Variants in TYW1B observed in about 807,000 individuals in gnomAD.
The protein encoded by TYW1B is tRNA-yW synthesizing protein 1 homolog B.
A neutral mutation model predicts 86.9 loss-of-function variants in TYW1B; 73 were observed. That is an observed-to-expected ratio of 0.84 (90% CI 0.70 to 1.02). The LOEUF (loss-of-function observed/expected upper bound fraction) is 1.02. Among genes scored for constraint, TYW1B ranks in the 50% least tolerant of loss-of-function variants. The probability of loss-of-function intolerance (pLI) is 0.00; values close to 1 mark genes in which losing one functional copy is unlikely to be tolerated. For missense variants in TYW1B, 637 were observed against 827.4 expected (o/e 0.77, Z 2.82); for synonymous variants, 248 against 292.8 (o/e 0.85, Z 1.56).
intron 13 of TYW1B, among the ~76,000 whole-genome samples, chr7:72,576,543 C>T (rs1368599747): frequency 9.9e-5 from 14 of 141,948 alleles, no homozygotes; most frequent in Admixed American, 2.9e-4. Context: ...GACGGAGTCT[C>T]GCTCTGTAGC....
At chr7:72,706,742 G>C (rs1814625202) in intron 10 of TYW1B, among the ~76,000 whole-genome samples, 1 of 152,078 alleles carries the variant, frequency 6.6e-6, no homozygotes, top group South Asian at 2.1e-4. Context: ...AAAACCACAG[G>C]GCTTCCTGGA....
At chr7:72,820,583 G>A (rs1788810052) in intron 2 of TYW1B, among the ~76,000 whole-genome samples, 2 of 152,136 alleles carry the variant, frequency 1.3e-5, no homozygotes, top group Non-Finnish European at 2.9e-5. Flanking sequence ...AAGGGAGCTG[G>A]CGAGCACAAA....
At chr7:72,665,800 C>A (rs1268927390) in intron 11 of TYW1B, among the ~76,000 whole-genome samples, 4 of 152,228 alleles carry the variant, frequency 2.6e-5, no homozygotes, top group Admixed American at 2.6e-4. Context: ...GAATCTTTAC[C>A]AGATATTAAG....
chr7:72,580,370 G>A (rs1360218909), intron 13 of TYW1B, among the ~76,000 whole-genome samples: 62 of 152,224 alleles, frequency 4.1e-4, no homozygotes, highest in African/African-American at 1.4e-3. Flanking sequence ...TAAAATCTGA[G>A]GTTAAGTATC....
intron 7 of TYW1B, among the ~76,000 whole-genome samples, chr7:72,755,059 T>G (rs1475013285): frequency 6.6e-6 from 1 of 152,088 alleles, no homozygotes; most frequent in Non-Finnish European, 1.5e-5. Context: ...ATGCAAAGTA[T>G]TAAAAATAAA....
rs577240281 is a variant in TYW1B at position 72,626,306 on chromosome 7, T to C, written c.1617+2581A>G. 1.8e-3 allele frequency among the ~76,000 whole-genome samples: 268 copies of C among 148,276 alleles called. 2 individuals carry two copies. The highest frequency in any genetic ancestry group is 6.1e-3 in the African/African-American group (243 of 39,746). ...CTGATATGACACAGACAGGGTTCAG[T>C]TTCAAAGCCATAAACGGAAATGAGC... On this transcript the variant is annotated intron_variant, in intron 12 of 13. Transcript: ENST00000620995.
At chr7:72,697,639 A>C (rs769415567) in intron 10 of TYW1B, among the ~76,000 whole-genome samples, 7 of 152,192 alleles carry the variant, frequency 4.6e-5, no homozygotes, top group Non-Finnish European at 8.8e-5. Flanking sequence ...AAAGTCTTAC[A>C]TCATCAAAAT....
At chr7:72,603,185 T>A (rs1205979123) in intron 13 of TYW1B, among the ~76,000 whole-genome samples, 2 of 146,630 alleles carry the variant, frequency 1.4e-5, no homozygotes, top group Admixed American at 6.8e-5. Context: ...GATGGATAGA[T>A]GGATGAACAG....
chr7:72,588,038 G>C (rs774650096), intron 13 of TYW1B, among the ~76,000 whole-genome samples: 5 of 152,146 alleles, frequency 3.3e-5, no homozygotes, highest in Non-Finnish European at 5.9e-5. Flanking sequence ...TCTTCTTTGG[G>C]TAAGAAGAGG....
chr7:72,813,894 A>G (rs1414149435), intron 3 of TYW1B, among the ~76,000 whole-genome samples: 2 of 151,960 alleles, frequency 1.3e-5, no homozygotes, highest in Non-Finnish European at 2.9e-5. Context: ...GGGCACCTGT[A>G]ATCCCAGCTA....
chr7:72,761,477 C>T (rs1787683701), intron 7 of TYW1B, among the ~76,000 whole-genome samples: 1 of 151,570 alleles, frequency 6.6e-6, no homozygotes, highest in Non-Finnish European at 1.5e-5. Context: ...CATAGTGGCT[C>T]ATACGAGGGA....
intron 6 of TYW1B, among the ~76,000 whole-genome samples, chr7:72,794,711 G>A (rs577013039): frequency 6.6e-6 from 1 of 152,190 alleles, no homozygotes; most frequent in South Asian, 2.1e-4. Context: ...CTCCAAAGAA[G>A]CCATGAAAAC....
At chr7:72,704,575 C>G (rs1430574360) in intron 10 of TYW1B, among the ~76,000 whole-genome samples, 1 of 150,024 alleles carries the variant, frequency 6.7e-6, no homozygotes, top group Admixed American at 6.7e-5. Flanking sequence ...ATAATGGGAC[C>G]CTGTCTCTGA....
intron 6 of TYW1B, among the ~76,000 whole-genome samples, chr7:72,799,232 G>A (rs188623978): frequency 1.3e-3 from 179 of 141,850 alleles, no homozygotes; most frequent in Admixed American, 3.4e-3. Flanking sequence ...GATCTCGGCT[G>A]ACTGCAACCT....
intron 11 of TYW1B, among the ~76,000 whole-genome samples, chr7:72,692,853 C>A (rs1305878639): frequency 6.6e-6 from 1 of 151,972 alleles, no homozygotes; most frequent in Non-Finnish European, 1.5e-5. Context: ...GGCACGTGTG[C>A]AGAAATGGCA....
intron 12 of TYW1B, among the ~76,000 whole-genome samples, chr7:72,628,384 G>A (rs1812405204): frequency 6.6e-6 from 1 of 152,254 alleles, no homozygotes; most frequent in East Asian, 1.9e-4. Context: ...ATATAATTTT[G>A]GTGGTTTGCT....
intron 7 of TYW1B, among the ~76,000 whole-genome samples, chr7:72,774,916 AAC>A (rs1388594215): frequency 3.3e-5 from 5 of 152,140 alleles, no homozygotes; most frequent in Non-Finnish European, 7.4e-5. Context: ...AGGACATTAA[AAC>A]AGTTATAACT....
At chr7:72,735,265 T>C (rs1314620959) in intron 8 of TYW1B, among the ~76,000 whole-genome samples, 2 of 152,126 alleles carry the variant, frequency 1.3e-5, no homozygotes, top group African/African-American at 4.8e-5. Flanking sequence ...TGGAATATTA[T>C]TTAGCCCTAT....
intron 10 of TYW1B, among the ~76,000 whole-genome samples, chr7:72,705,985 G>C (rs1333298240): frequency 2.6e-5 from 4 of 152,196 alleles, no homozygotes; most frequent in Non-Finnish European, 5.9e-5. Context: ...CTGCAAAGCT[G>C]AATGCACAGA....
Sources: allele counts gnomAD v4.1 joint callset (sites outside exome capture counted in the v4.1 genomes callset), GRCh38; gene constraint gnomAD v4.1.1; transcripts MANE v1.5; gene names NCBI Gene and HGNC (gene_info 2026-07-23, HGNC 2026-07-21).